UBR2: variants seen among roughly 807,000 people sequenced by gnomAD.
The protein encoded by UBR2 is E3 ubiquitin-protein ligase UBR2.
Under a neutral mutation model 247.9 loss-of-function variants are expected in UBR2, and 92 were observed. The ratio of observed to expected loss-of-function variants is 0.37; its 90% CI spans 0.31 to 0.44. The LOEUF is 0.44. Ranked by LOEUF, UBR2 falls within the 20% of genes least tolerant of loss-of-function variation. The pLI, the probability that UBR2 is intolerant of heterozygous loss-of-function variation, is 1.00. For synonymous variants in UBR2, 672 were observed against 693.5 expected, an observed-to-expected ratio of 0.97 and a Z score of 0.49; for missense variants, 1,613 against 2,112.6, an observed-to-expected ratio of 0.76 and a Z score of 4.64.
intron 32 of UBR2, among the ~76,000 whole-genome samples, chr6:42,663,975 A>T (rs571628882): frequency 4.6e-5 from 7 of 152,292 alleles, no homozygotes; most frequent in Admixed American, 3.9e-4. Flanking sequence ...CCTGGGCAAC[A>T]TAGTGAGACC....
At chr6:42,610,241 G>A (rs62414622) in intron 7 of UBR2, among the ~76,000 whole-genome samples, 11,322 of 152,154 alleles carry the variant, frequency 0.074, 523 homozygotes, top group South Asian at 0.12. Context: ...CTGGTAGGAA[G>A]GTAAAATGGT....
intron 22 of UBR2, among the ~76,000 whole-genome samples, chr6:42,649,561 G>A (rs1796988820): frequency 6.6e-6 from 1 of 152,188 alleles, no homozygotes; most frequent in Admixed American, 6.5e-5. Context: ...GACTAGAAGT[G>A]TATAAAGAGT....
intron 1 of UBR2, among the ~76,000 whole-genome samples, chr6:42,569,594 A>C (rs1582410536): frequency 6.6e-6 from 1 of 152,146 alleles, no homozygotes; most frequent in Non-Finnish European, 1.5e-5. Flanking sequence ...CCACTTAAAC[A>C]CTATTGTTTT....
chr6:42,616,714 C>CATAAGCT (rs1276460065), intron 10 of UBR2, among the ~76,000 whole-genome samples: 3 of 151,582 alleles, frequency 2.0e-5, no homozygotes, highest in East Asian at 3.9e-4. Flanking sequence ...GCAGCATGTG[C>CATAAGCT]ATAAGCTAAC....
chr6:42,614,815 AG>A (rs35018263), intron 8 of UBR2, among the ~76,000 whole-genome samples: 37,487 of 152,092 alleles, frequency 0.25, 5,018 homozygotes, highest in East Asian at 0.46. Context: ...AATTCATTAA[AG>A]CACAAGAGGT....
intron 26 of UBR2, among the ~76,000 whole-genome samples, chr6:42,657,713 C>T (rs1027702246): frequency 6.6e-6 from 1 of 152,076 alleles, no homozygotes; most frequent in African/African-American, 2.4e-5. Context: ...ATTTTTAGAC[C>T]TGTAAAATCT....
chr6:42,652,086 T>C lies in UBR2; in HGVS notation c.2614+15T>C. ...AGAAGATACAGGTATTTTTAATCTT[T>C]CTGAAAATGTCTTGCCCATCTTTTT... On this transcript the variant is annotated intron_variant, in intron 24 of 46. Coordinates refer to ENST00000372901, the MANE Select transcript of UBR2 (RefSeq NM_001363705.2). 1 of 1,573,840 alleles carries C rather than the reference T, an allele frequency of 6.4e-7. No individual in the cohort carries two copies. Among genetic ancestry groups the C allele is most frequent in the Non-Finnish European group, 8.6e-7 (1 of 1,164,748 alleles).
At position 42,689,815 on chromosome 6, in the gene UBR2, C is replaced by G. The variant is rs530924176; in HGVS notation, c.5126+145C>G. On this transcript the variant is annotated intron_variant, in intron 46 of 46. Coordinates refer to ENST00000372901, the MANE Select transcript of UBR2 (RefSeq NM_001363705.2). This position sits in a 1 kb window ranked among gnomAD's most constrained non-coding sequence, Gnocchi z 4.0. The stretch of plus-strand genomic sequence containing the variant: ...TCTTCCAAGGAGGGTGCCCTGTCAG[C>G]CTGGTTTGGTGTTCTTTTCCCAGCC... 19 of 725,878 alleles carry G rather than the reference C, an allele frequency of 2.6e-5. No individual in the cohort carries two copies. The African/African-American group carries it at 3.3e-4, about 13-fold the overall frequency. 45.0% of individuals were successfully genotyped at this position (725,878 alleles called of 1,614,324 possible). A position where few individuals can be genotyped will look rare whatever the true frequency, so the allele number is the denominator to read the frequency against.
chr6:42,691,049 A>G lies in UBR2; in HGVS notation c.5144A>G (p.His1715Arg). 6.2e-7 allele frequency: 1 copy of G among 1,614,052 alleles called. No homozygotes were observed. Residue 1715 changes from histidine to arginine, a missense_variant, in exon 47 of 47, where the codon CAT becomes CGT. By Grantham distance (29) the His-to-Arg change is conservative. Transcript: ENST00000372901. ...CTTTCTAGACGGGGAAATCCTTTAC[A>G]TTTATGCAAAGAGCGATTCAAGAAG... ...DQGLRRGNPL[H>R]LCKERFKKIQ...
chr6:42,686,299 T>A (rs1799390674), intron 44 of UBR2, among the ~76,000 whole-genome samples: 2 of 151,832 alleles, frequency 1.3e-5, no homozygotes, highest in Admixed American at 1.3e-4. Context: ...GCATGCTGCC[T>A]TCAAGCATCT....
intron 11 of UBR2, among the ~76,000 whole-genome samples, chr6:42,632,276 AG>A (rs1795797464): frequency 1.3e-5 from 2 of 151,956 alleles, no homozygotes; most frequent in African/African-American, 2.4e-5. Flanking sequence ...CCTGATTCAG[AG>A]CCCCCACCCT....
chr6:42,632,469 T>C, intron 11 of UBR2, 83 bp from the exon 12 acceptor site: 1 of 1,274,152 alleles, frequency 7.8e-7, no homozygotes, highest in South Asian at 1.9e-5. Context: ...CTGAAGGAGC[T>C]AAACAATGTT....
intron 44 of UBR2, 22 bp downstream of exon 44, chr6:42,684,893 G>T (rs781595456): frequency 1.9e-6 from 3 of 1,588,460 alleles, no homozygotes; most frequent in South Asian, 2.3e-5. Context: ...TGTTAGCATT[G>T]AACATTCCCT....
chr6:42,620,899 G>A (rs1008585233), intron 11 of UBR2, among the ~76,000 whole-genome samples: 39 of 151,612 alleles, frequency 2.6e-4, no homozygotes, highest in African/African-American at 8.7e-4. Context: ...CTGCCTCCCG[G>A]GTTCAAGCGA....
In UBR2 at chr6:42,641,709, T is replaced by A. The variant is rs1424500189; in HGVS notation, c.2031+17T>A. On this transcript the variant is annotated intron_variant, in intron 17 of 46. Transcript: ENST00000372901. ...GTAAACCAGGTAAGTGTTTTCTAAT[T>A]CTATGAAGAGTTTTCATTCCATTCT... The A allele has an allele frequency of 7.5e-6, 12 of 1,592,182 alleles. No individual in the cohort carries two copies. The highest frequency in any genetic ancestry group is 2.3e-5 in the East Asian group (1 of 44,204).
At chr6:42,634,334 G>A (rs750915221) in intron 13 of UBR2, 6 of 369,394 alleles carry the variant, frequency 1.6e-5, no homozygotes, top group Non-Finnish European at 2.6e-5. Context: ...GATAGGTGAC[G>A]TCTCTAAAAA....
At chr6:42,619,439 A>ATTTTTTTTTT (rs1562318106) in intron 11 of UBR2, 1 of 22,854 alleles carries the variant, frequency 4.4e-5, no homozygotes, top group Non-Finnish European at 8.7e-5. Context: ...ATATATATAT[A>ATTTTTTTTTT]TATATATATA....
chr6:42,606,975 T>C (rs947667254), intron 7 of UBR2, among the ~76,000 whole-genome samples: 1 of 152,138 alleles, frequency 6.6e-6, no homozygotes, highest in African/African-American at 2.4e-5. Flanking sequence ...TTAAGCACCA[T>C]GATTATAATG....
intron 11 of UBR2, among the ~76,000 whole-genome samples, chr6:42,621,848 A>G (rs1009912123): frequency 6.6e-6 from 1 of 152,180 alleles, no homozygotes; most frequent in Non-Finnish European, 1.5e-5. Context: ...GCCTTCATAT[A>G]TTTTGATTGA....
Sources: allele counts gnomAD v4.1 joint callset (sites outside exome capture counted in the v4.1 genomes callset), GRCh38; gene constraint gnomAD v4.1.1; non-coding constraint Gnocchi (gnomAD v3.1); transcripts MANE v1.5; gene names NCBI Gene and HGNC (gene_info 2026-07-23, HGNC 2026-07-21).